The following FAF1 variants were observed in gnomAD, a reference collection of about 807,000 sequenced individuals.
FAF1 encodes FAS-associated factor 1.
A neutral mutation model predicts 92.5 loss-of-function variants in FAF1; 25 were observed. The observed-to-expected ratio is 0.27, with a 90% confidence interval of 0.20 to 0.38. The LOEUF (loss-of-function observed/expected upper bound fraction) is 0.38. FAF1 is among the 10% of genes least tolerant of loss of function. The pLI is 1.00. For missense variants in FAF1, 636 were observed against 793.3 expected (o/e 0.80, Z 2.38); for synonymous variants, 234 against 273.2 (o/e 0.86, Z 1.42).
chr1:50,499,365 T>G (rs72898956), intron 15 of FAF1, among the ~76,000 whole-genome samples: 1,604 of 112,528 alleles, frequency 0.014, 38 homozygotes, highest in African/African-American at 0.069. Flanking sequence ...GCTGTAGGGT[T>G]TTTTTTTTTT....
chr1:50,868,238 G>A (rs1644498232), intron 1 of FAF1, among the ~76,000 whole-genome samples: 1 of 152,084 alleles, frequency 6.6e-6, no homozygotes, highest in Non-Finnish European at 1.5e-5. Flanking sequence ...CACAGTGCTT[G>A]GGTGATGGGA....
At chr1:50,573,817 C>CAAAAAAA (rs199900774) in intron 12 of FAF1, among the ~76,000 whole-genome samples, 1 of 131,998 alleles carries the variant, frequency 7.6e-6, no homozygotes, top group Non-Finnish European at 1.7e-5. Context: ...GGGTTAAAAA[C>CAAAAAAA]AAAAAAAAAA....
chr1:50,918,419 A>T (rs1644937421), intron 1 of FAF1, among the ~76,000 whole-genome samples: 1 of 78,776 alleles, frequency 1.3e-5, no homozygotes, highest in Non-Finnish European at 2.4e-5. Flanking sequence ...TTCAATTCCC[A>T]CCTATGAGTG....
At chr1:50,925,662 T>C (rs1182405179) in intron 1 of FAF1, among the ~76,000 whole-genome samples, 4 of 152,192 alleles carry the variant, frequency 2.6e-5, no homozygotes, top group Admixed American at 2.0e-4. Flanking sequence ...TAAATTAGTA[T>C]AGTCACTATA....
chr1:50,505,359 A>G (rs1454527858), intron 15 of FAF1, among the ~76,000 whole-genome samples: 1 of 152,164 alleles, frequency 6.6e-6, no homozygotes, highest in African/African-American at 2.4e-5. Context: ...ACAGCCAAAC[A>G]CCTATTCCTC....
At chr1:50,828,984 A>C (rs1310356450) in intron 2 of FAF1, among the ~76,000 whole-genome samples, 3 of 152,228 alleles carry the variant, frequency 2.0e-5, no homozygotes, top group Non-Finnish European at 4.4e-5. Context: ...ACAGAAAAGA[A>C]AAAGATTTGA....
chr1:50,800,245 C>T (rs1342676231), intron 3 of FAF1, among the ~76,000 whole-genome samples: 3 of 152,146 alleles, frequency 2.0e-5, no homozygotes, highest in Non-Finnish European at 1.5e-5. Context: ...ATGGCAAATG[C>T]TATTAATTGG....
intron 18 of FAF1, among the ~76,000 whole-genome samples, chr1:50,469,952 A>C (rs1646550149): frequency 6.6e-6 from 1 of 152,228 alleles, no homozygotes. Context: ...CAAGCTCAGC[A>C]GTAGTACCTT....
intron 2 of FAF1, chr1:50,846,677 C>A: frequency 1.8e-6 from 1 of 564,306 alleles, no homozygotes; most frequent in Non-Finnish European, 3.4e-6. Flanking sequence ...TTTTTATGCA[C>A]CAACCACAAC....
chr1:50,507,945 G>C (rs1465411117), intron 15 of FAF1, among the ~76,000 whole-genome samples: 1 of 152,162 alleles, frequency 6.6e-6, no homozygotes, highest in Non-Finnish European at 1.5e-5. Context: ...GTCAGAATTA[G>C]AGATTTCTCC....
At chr1:50,817,708 C>G (rs1181055367) in intron 2 of FAF1, among the ~76,000 whole-genome samples, 1 of 152,090 alleles carries the variant, frequency 6.6e-6, no homozygotes, top group Non-Finnish European at 1.5e-5. Flanking sequence ...AGATTCACTA[C>G]TAACAGGCAC....
At chr1:50,703,891 G>A (rs1657571185) in intron 7 of FAF1, among the ~76,000 whole-genome samples, 1 of 152,150 alleles carries the variant, frequency 6.6e-6, no homozygotes, top group South Asian at 2.1e-4. Context: ...TCAGGTGTGA[G>A]CAGATTGCAT....
At chr1:50,485,241 A>G (rs1365040170) in intron 17 of FAF1, among the ~76,000 whole-genome samples, 1 of 152,000 alleles carries the variant, frequency 6.6e-6, no homozygotes, top group African/African-American at 2.4e-5. Context: ...GATTACAGGT[A>G]TGTGCCACTG....
intron 15 of FAF1, among the ~76,000 whole-genome samples, chr1:50,530,300 A>AGT (rs904131423): frequency 2.4e-4 from 30 of 127,358 alleles, no homozygotes; most frequent in Admixed American, 4.7e-4. Flanking sequence ...TATATGTATG[A>AGT]GTGTGTGTGT....
chr1:50,704,696 C>T (rs1403801634), intron 7 of FAF1, among the ~76,000 whole-genome samples: 1 of 151,840 alleles, frequency 6.6e-6, no homozygotes, highest in African/African-American at 2.4e-5. Context: ...TTAAATAACG[C>T]AAACCTACAA....
chr1:50,933,121 T>G (rs1189766599), intron 1 of FAF1, among the ~76,000 whole-genome samples: 2 of 152,216 alleles, frequency 1.3e-5, no homozygotes, highest in African/African-American at 2.4e-5. Context: ...GTCTCTGACA[T>G]GACCTGGAGA....
intron 1 of FAF1, among the ~76,000 whole-genome samples, chr1:50,906,234 C>G (rs1359373367): frequency 6.6e-6 from 1 of 152,140 alleles, no homozygotes; most frequent in Non-Finnish European, 1.5e-5. Context: ...TTCCATTGGT[C>G]TACATCTCTG....
At chr1:50,864,300 T>C (rs1644461804) in intron 1 of FAF1, among the ~76,000 whole-genome samples, 1 of 150,108 alleles carries the variant, frequency 6.7e-6, no homozygotes, top group Non-Finnish European at 1.5e-5. Flanking sequence ...GATGTTAGGG[T>C]GTCAATTTTG....
intron 7 of FAF1, among the ~76,000 whole-genome samples, chr1:50,694,079 T>TGTATGACATATACATGACATATACATGAC (rs1473844592): frequency 6.6e-6 from 1 of 151,632 alleles, no homozygotes; most frequent in African/African-American, 2.4e-5. Context: ...ATACATGACA[T>TGTATGACATATACATGACATATACATGAC]ATATATAAAA....
Sources: allele counts gnomAD v4.1 joint callset (sites outside exome capture counted in the v4.1 genomes callset), GRCh38; gene constraint gnomAD v4.1.1; transcripts MANE v1.5; gene names NCBI Gene and HGNC (gene_info 2026-07-23, HGNC 2026-07-21).